Variants in DNAH14 observed in about 807,000 individuals in gnomAD.
The protein encoded by DNAH14 is dynein axonemal heavy chain 14.
A neutral mutation model predicts 520.9 loss-of-function variants in DNAH14; 478 were observed. The ratio of observed to expected loss-of-function variants is 0.92; its 90% CI spans 0.85 to 0.99. DNAH14 has a LOEUF of 0.99. Ranked by LOEUF, DNAH14 falls within the 50% of genes least tolerant of loss-of-function variation. The probability of loss-of-function intolerance (pLI) is 0.00; values close to 1 mark genes in which losing one functional copy is unlikely to be tolerated. For missense variants in DNAH14, 4,831 were observed against 5,234.5 expected (o/e 0.92, Z 2.38); for synonymous variants, 1,581 against 1,757.2 (o/e 0.90, Z 2.51).
At chr1:225,216,566 C>T (rs1271427726) in intron 41 of DNAH14, among the ~76,000 whole-genome samples, 3 of 152,128 alleles carry the variant, frequency 2.0e-5, no homozygotes, top group Non-Finnish European at 4.4e-5. Flanking sequence ...TCACATAATC[C>T]CATATTTCGT....
At chr1:225,326,029 G>A (rs1389702976) in intron 64 of DNAH14, among the ~76,000 whole-genome samples, 1 of 152,116 alleles carries the variant, frequency 6.6e-6, no homozygotes, top group Non-Finnish European at 1.5e-5. Flanking sequence ...ATCATTTCTT[G>A]CTAATATTTT....
At chr1:225,185,538 T>C in intron 37 of DNAH14, 113 bp downstream of exon 37, 1 of 1,157,850 alleles carries the variant, frequency 8.6e-7, no homozygotes, top group Non-Finnish European at 1.1e-6. Flanking sequence ...AACTTATTGC[T>C]AGGAATTTTG....
intron 8 of DNAH14, among the ~76,000 whole-genome samples, chr1:224,975,516 A>G (rs2061763126): frequency 1.3e-5 from 2 of 151,924 alleles, no homozygotes; most frequent in South Asian, 4.2e-4. Flanking sequence ...ATTTGCGTAG[A>G]GGTGTTTGTA....
chr1:225,199,851 C>T (rs2086595335), intron 38 of DNAH14, among the ~76,000 whole-genome samples: 1 of 152,106 alleles, frequency 6.6e-6, no homozygotes, highest in Non-Finnish European at 1.5e-5. Context: ...TCTGTTAAGT[C>T]CATTTATTAC....
chr1:225,318,508 G>A, intron 60 of DNAH14, 75 bp from the exon 61 acceptor site: 1 of 1,296,760 alleles, frequency 7.7e-7, no homozygotes. Context: ...TATTTTCCAA[G>A]TTCAGCATAC....
At chr1:225,007,210 A>C (rs1021348170) in intron 9 of DNAH14, among the ~76,000 whole-genome samples, 1 of 152,240 alleles carries the variant, frequency 6.6e-6, no homozygotes. Flanking sequence ...TTAAAACACC[A>C]ATGTATTTTT....
intron 3 of DNAH14, among the ~76,000 whole-genome samples, chr1:224,956,596 T>C (rs964264463): frequency 1.3e-5 from 2 of 152,190 alleles, no homozygotes; most frequent in African/African-American, 4.8e-5. Flanking sequence ...AATTGCCTAA[T>C]GATGCATTTT....
At chr1:225,238,359 C>T (rs1056269792) in intron 42 of DNAH14, among the ~76,000 whole-genome samples, 1 of 152,044 alleles carries the variant, frequency 6.6e-6, no homozygotes, top group Non-Finnish European at 1.5e-5. Context: ...AGAGTCAGAC[C>T]ACTTTTCCAT....
chr1:225,392,222 T>C, intron 83 of DNAH14, 69 bp from the exon 84 acceptor site: 1 of 1,506,880 alleles, frequency 6.6e-7, no homozygotes, highest in South Asian at 1.3e-5. Context: ...TGAGACATCA[T>C]TGTTGCTAAC....
intron 17 of DNAH14, among the ~76,000 whole-genome samples, chr1:225,060,163 G>A (rs1201244718): frequency 6.6e-6 from 1 of 152,134 alleles, no homozygotes; most frequent in Non-Finnish European, 1.5e-5. Context: ...ATCAGATGTA[G>A]ATTTGGTCTT....
chr1:225,232,889 G>T lies in DNAH14; in HGVS notation c.6518+1738G>T, dbSNP rs1288400937. 6.6e-6 allele frequency among the ~76,000 whole-genome samples: 1 copy of T among 152,234 alleles called. No individual in the cohort carries two copies. The highest frequency in any genetic ancestry group is 1.9e-4 in the East Asian group (1 of 5,178). ...GTGTGCCATGGTGGTTTGCTGCACA[G>T]ATCATGCCATCACCTAGGTATTAAG... is the stretch of plus-strand genomic sequence containing the variant. On this transcript the variant is annotated intron_variant, in intron 42 of 85. Transcript: ENST00000682510. The surrounding 1 kb of genome is among the most constrained non-coding windows in gnomAD (Gnocchi z 4.2).
chr1:225,097,091 T>C lies in DNAH14; in HGVS notation c.3574-27T>C, dbSNP rs1455681875. ...GAATAATTTTATATATTTAGATTTG[T>C]ATGTGTATATGTTTTTATCATTGTA... On this transcript the variant is annotated intron_variant, in intron 21 of 85. Coordinates refer to ENST00000682510, the MANE Select transcript of DNAH14 (RefSeq NM_001367479.1). The C allele has an allele frequency of 2.0e-6, 3 of 1,501,040 alleles. No individual in the cohort carries two copies. The South Asian group carries it at 4.0e-5, about 20-fold the overall frequency. 93.0% of individuals were successfully genotyped at this position (1,501,040 alleles called of 1,614,324 possible). A position where few individuals can be genotyped will look rare whatever the true frequency, so the allele number is the denominator to read the frequency against.
intron 41 of DNAH14, among the ~76,000 whole-genome samples, chr1:225,230,860 A>G (rs1056179954): frequency 2.0e-5 from 3 of 152,192 alleles, no homozygotes; most frequent in Non-Finnish European, 2.9e-5. Flanking sequence ...TGCTTCAAAT[A>G]AATAAAAATC....
chr1:225,070,898 G>A (rs1024804804), intron 17 of DNAH14, among the ~76,000 whole-genome samples: 8 of 152,062 alleles, frequency 5.3e-5, no homozygotes, highest in African/African-American at 1.9e-4. Flanking sequence ...GGATAGTTAG[G>A]TTTTCTTGTT....
In DNAH14 at chr1:225,118,017, A is replaced by G; in HGVS notation, c.4091+18A>G. ...CTGCCAAAGTATGATAAATGTTACA[A>G]ACTGTTTAGATTCTGTACAACGTCA... On this transcript the variant is annotated intron_variant, in intron 25 of 85. Coordinates refer to ENST00000682510, the MANE Select transcript of DNAH14 (RefSeq NM_001367479.1). The G allele has an allele frequency of 6.7e-7, 1 of 1,483,334 alleles. No homozygotes were observed. The highest frequency in any genetic ancestry group is 1.2e-5 in the South Asian group (1 of 82,716). 91.9% of individuals were successfully genotyped at this position (1,483,334 alleles called of 1,614,324 possible). A position where few individuals can be genotyped will look rare whatever the true frequency, so the allele number is the denominator to read the frequency against.
intron 6 of DNAH14, among the ~76,000 whole-genome samples, chr1:224,968,421 T>C (rs1461466253): frequency 6.6e-6 from 1 of 152,158 alleles, no homozygotes; most frequent in Non-Finnish European, 1.5e-5. Flanking sequence ...TAAAATTAAG[T>C]TCATAAATAC....
rs1313013305 is a variant in DNAH14 at position 225,257,973 on chromosome 1, A to C, written c.6879A>C (p.Leu2293=). The part of the protein sequence containing the change: ...QTLIQRGTSL[L]TNLQRSGGNF... The stretch of plus-strand genomic sequence containing the variant: ...ATGTTAACTTAGGAACTTCATTACT[A>C]ACTAATCTTCAAAGATCTGGCGGAA... Residue 2293 remains leucine (L), a synonymous_variant, in exon 45 of 86, where the codon CTA becomes CTC. Coordinates refer to ENST00000682510, the MANE Select transcript of DNAH14 (RefSeq NM_001367479.1). 1 of 1,549,308 alleles carries C rather than the reference A, an allele frequency of 6.5e-7. No homozygotes were observed. The highest frequency in any genetic ancestry group is 1.4e-5 in the African/African-American group (1 of 72,926).
chr1:225,320,377 T>C (rs769022825), intron 61 of DNAH14, among the ~76,000 whole-genome samples: 8 of 152,346 alleles, frequency 5.3e-5, no homozygotes, highest in Non-Finnish European at 1.0e-4. Context: ...AAGTAGGCCC[T>C]TTTCCCTGCC....
intron 27 of DNAH14, among the ~76,000 whole-genome samples, chr1:225,129,971 A>T: frequency 6.6e-6 from 1 of 152,292 alleles, no homozygotes; most frequent in East Asian, 1.9e-4. Flanking sequence ...CAAATTTACA[A>T]GAAAAAAACA....
Sources: allele counts gnomAD v4.1 joint callset (sites outside exome capture counted in the v4.1 genomes callset), GRCh38; gene constraint gnomAD v4.1.1; non-coding constraint Gnocchi (gnomAD v3.1); transcripts MANE v1.5; gene names NCBI Gene and HGNC (gene_info 2026-07-23, HGNC 2026-07-21).